ACAP2: variants seen among roughly 807,000 people sequenced by gnomAD.
The protein encoded by ACAP2 is ArfGAP with coiled-coil, ankyrin repeat and PH domains 2.
A neutral mutation model predicts 115.8 loss-of-function variants in ACAP2; 39 were observed. The ratio of observed to expected loss-of-function variants is 0.34; its 90% confidence interval spans 0.26 to 0.44. The LOEUF is 0.44. Ranked by LOEUF, ACAP2 falls within the 20% of genes least tolerant of loss-of-function variation. ACAP2 has a pLI of 1.00. For synonymous variants in ACAP2, 289 were observed against 315.8 expected (o/e 0.92, Z 0.90); for missense variants, 662 against 927.6 (o/e 0.71, Z 3.72).
intron 1 of ACAP2, among the ~76,000 whole-genome samples, chr3:195,425,026 CAAAAAAAAAAAA>C (rs10690317): frequency 3.8e-4 from 10 of 26,644 alleles, no homozygotes; most frequent in South Asian, 1.7e-3. Flanking sequence ...GACTCCGTCT[CAAAAAAAAAAAA>C]AAAAAAAAAA....
chr3:195,322,067 C>A (rs1361351857), intron 9 of ACAP2, among the ~76,000 whole-genome samples: 1 of 152,130 alleles, frequency 6.6e-6, no homozygotes, highest in East Asian at 1.9e-4. Flanking sequence ...CTTCTTCTAG[C>A]GTTCTAATTA....
At chr3:195,391,693 A>C (rs999806171) in intron 2 of ACAP2, among the ~76,000 whole-genome samples, 3 of 152,090 alleles carry the variant, frequency 2.0e-5, no homozygotes, top group South Asian at 4.1e-4. Context: ...ATTTACCCTC[A>C]TAGAGATAAA....
intron 20 of ACAP2, 112 bp from the exon 21 acceptor site, chr3:195,289,343 A>G: frequency 2.7e-6 from 2 of 737,636 alleles, no homozygotes; most frequent in South Asian, 3.3e-5. Context: ...GAAATTCTTG[A>G]TTCATTCTAC....
chr3:195,289,430 C>G (rs1727085799), intron 20 of ACAP2, among the ~76,000 whole-genome samples, 199 bp from the exon 21 acceptor site: 1 of 152,036 alleles, frequency 6.6e-6, no homozygotes, highest in African/African-American at 2.4e-5. Flanking sequence ...GGTATTTTTG[C>G]ATACATTATC....
intron 1 of ACAP2, among the ~76,000 whole-genome samples, chr3:195,417,741 AGT>A (rs1713856468): frequency 6.6e-6 from 1 of 152,142 alleles, no homozygotes; most frequent in African/African-American, 2.4e-5. Context: ...TGAGCCCAGG[AGT>A]TCAAGGCCAG....
At chr3:195,359,759 G>C (rs567885796) in intron 4 of ACAP2, among the ~76,000 whole-genome samples, 1 of 152,168 alleles carries the variant, frequency 6.6e-6, no homozygotes. Flanking sequence ...GAGCCATCGC[G>C]CCTGGCCTAA....
At chr3:195,375,377 T>C (rs1318694206) in intron 4 of ACAP2, among the ~76,000 whole-genome samples, 1 of 151,890 alleles carries the variant, frequency 6.6e-6, no homozygotes, top group Non-Finnish European at 1.5e-5. Context: ...CATACAAACA[T>C]GACTATCATT....
intron 4 of ACAP2, among the ~76,000 whole-genome samples, chr3:195,346,737 A>T (rs971093797): frequency 2.6e-5 from 4 of 152,268 alleles, no homozygotes; most frequent in Admixed American, 2.6e-4. Flanking sequence ...TAGCAGTTTC[A>T]TTCCTAATTG....
chr3:195,401,972 G>T (rs982499024), intron 1 of ACAP2, among the ~76,000 whole-genome samples: 2 of 152,136 alleles, frequency 1.3e-5, no homozygotes, highest in African/African-American at 2.4e-5. Flanking sequence ...AACCACCTGG[G>T]ATGGTAAACT....
chr3:195,395,330 ATAAG>A (rs1210181366), intron 1 of ACAP2, among the ~76,000 whole-genome samples: 15 of 152,206 alleles, frequency 9.9e-5, no homozygotes, highest in African/African-American at 1.7e-4. Context: ...AAAACAGAGA[ATAAG>A]TAATAAGGGA....
chr3:195,428,478 T>C (rs1179686763), intron 1 of ACAP2, among the ~76,000 whole-genome samples: 1 of 151,978 alleles, frequency 6.6e-6, no homozygotes, highest in Non-Finnish European at 1.5e-5. Context: ...CTGTACCTTT[T>C]CTATGTTTAG....
intron 1 of ACAP2, among the ~76,000 whole-genome samples, chr3:195,404,660 T>TAC (rs541037995): frequency 0.02 from 3,009 of 150,412 alleles, 86 homozygotes; most frequent in African/African-American, 0.067. Flanking sequence ...TTGCCATATA[T>TAC]ACACACACAC....
At chr3:195,303,997 T>C (rs543438604) in intron 13 of ACAP2, among the ~76,000 whole-genome samples, 1 of 151,516 alleles carries the variant, frequency 6.6e-6, no homozygotes, top group East Asian at 1.9e-4. Context: ...CTGTCTCTAC[T>C]AAAAATACAA....
At chr3:195,442,274 C>A (rs892613205) in intron 1 of ACAP2, 1 of 153,492 alleles carries the variant, frequency 6.5e-6, no homozygotes, top group African/African-American at 2.4e-5. Context: ...AAGTCGGCGT[C>A]CCAGTTCGCC....
At chr3:195,325,815 C>G (rs1553850878) in intron 9 of ACAP2, among the ~76,000 whole-genome samples, 1 of 152,062 alleles carries the variant, frequency 6.6e-6, no homozygotes, top group Non-Finnish European at 1.5e-5. Context: ...ACTGTACACT[C>G]TAATTATGTA....
At chr3:195,426,294 C>T (rs1412892054) in intron 1 of ACAP2, among the ~76,000 whole-genome samples, 1 of 152,152 alleles carries the variant, frequency 6.6e-6, no homozygotes, top group Non-Finnish European at 1.5e-5. Flanking sequence ...GTGGTCAAAC[C>T]TTGCATTCCC....
chr3:195,392,191 T>C, intron 1 of ACAP2, 44 bp from the exon 2 acceptor site: 3 of 1,475,796 alleles, frequency 2.0e-6, no homozygotes, highest in Non-Finnish European at 1.9e-6. Context: ...TTTGTTTAAA[T>C]GTACACTTTA....
intron 1 of ACAP2, among the ~76,000 whole-genome samples, chr3:195,422,106 TATGAA>T (rs1457627689): frequency 1.3e-5 from 2 of 152,176 alleles, no homozygotes; most frequent in Non-Finnish European, 2.9e-5. Context: ...TTTAACCTCT[TATGAA>T]ATGAATCAAG....
intron 10 of ACAP2, among the ~76,000 whole-genome samples, chr3:195,311,563 G>A (rs1261875483): frequency 6.6e-6 from 1 of 152,156 alleles, no homozygotes; most frequent in Non-Finnish European, 1.5e-5. Context: ...TTGAGATGGA[G>A]TCTCACTCTG....
Sources: allele counts gnomAD v4.1 joint callset (sites outside exome capture counted in the v4.1 genomes callset), GRCh38; gene constraint gnomAD v4.1.1; transcripts MANE v1.5; gene names NCBI Gene and HGNC (gene_info 2026-07-23, HGNC 2026-07-21).